SLC28A3: variants seen among roughly 807,000 people sequenced by gnomAD.
SLC28A3 encodes the protein concentrative Na(+)-nucleoside cotransporter 3.
In SLC28A3, 68 loss-of-function variants were observed where a neutral mutation model predicts 84.2. The ratio of observed to expected loss-of-function variants is 0.81; its 90% CI spans 0.66 to 0.99. SLC28A3 has a LOEUF of 0.99. Ranked by LOEUF, SLC28A3 falls within the 50% of genes least tolerant of loss-of-function variation. SLC28A3 has a pLI of 0.00. For missense variants in SLC28A3, 712 were observed against 841.5 expected, an observed-to-expected ratio of 0.85 and a Z score of 1.90; for synonymous variants, 267 against 303.6, an observed-to-expected ratio of 0.88 and a Z score of 1.25.
At chr9:84,280,103 T>C (rs755861783) in intron 15 of SLC28A3, 30 bp from the exon 16 acceptor site, 2 of 1,604,614 alleles carry the variant, frequency 1.2e-6, no homozygotes, top group South Asian at 2.2e-5. Flanking sequence ...GGATGTGAGA[T>C]CAATGTTGAA....
At chr9:84,333,491 T>C (rs998635367) in intron 1 of SLC28A3, among the ~76,000 whole-genome samples, 6 of 152,118 alleles carry the variant, frequency 3.9e-5, no homozygotes, top group African/African-American at 1.2e-4. Flanking sequence ...TCTAAGGAAC[T>C]CTTTCAAATA....
chr9:84,324,207 CTTGA>C (rs1344311907), intron 1 of SLC28A3, among the ~76,000 whole-genome samples: 1 of 152,156 alleles, frequency 6.6e-6, no homozygotes, highest in Non-Finnish European at 1.5e-5. Flanking sequence ...GGGTCAGATC[CTTGA>C]TTAAGCAATT....
Position 84,339,118 on chromosome 9 carries a change from A to G in SLC28A3, c.60+1456T>C, listed in dbSNP as rs530216953. The stretch of plus-strand genomic sequence containing the variant: ...CCCCCACTTTATTGTCCCTAAAAGC[A>G]TAACCCTCTTTTCCTTTGTCTAGTC... On this transcript the variant is annotated intron_variant, in intron 1 of 17. Coordinates refer to ENST00000376238, the MANE Select transcript of SLC28A3 (RefSeq NM_001199633.2). 3.9e-5 allele frequency among the ~76,000 whole-genome samples: 6 copies of G among 152,266 alleles called. No individual in the cohort carries two copies. In the South Asian group the frequency reaches 1.0e-3, roughly 26 times the overall value.
intron 1 of SLC28A3, among the ~76,000 whole-genome samples, chr9:84,336,081 CA>C (rs754490291): frequency 4.7e-4 from 23 of 49,222 alleles, no homozygotes; most frequent in South Asian, 9.2e-4. Context: ...AAAAAAAAAT[CA>C]GCCTGGTGCA....
intron 15 of SLC28A3, among the ~76,000 whole-genome samples, 170 bp from the exon 16 acceptor site, chr9:84,280,243 A>G (rs1824693452): frequency 6.6e-6 from 1 of 151,934 alleles, no homozygotes; most frequent in Non-Finnish European, 1.5e-5. Context: ...AACTCCACAT[A>G]CAGAGAAATT....
intron 8 of SLC28A3, among the ~76,000 whole-genome samples, chr9:84,295,873 C>G (rs1825396120): frequency 6.6e-6 from 1 of 152,116 alleles, no homozygotes. Context: ...GAAAAAAATC[C>G]ATTAATAATA....
the SLC28A3 span, among the ~76,000 whole-genome samples, chr9:84,354,715 C>T: frequency 7.2e-5 from 11 of 151,872 alleles, no homozygotes; most frequent in Admixed American, 1.3e-4. Flanking sequence ...GGTATGGTGG[C>T]GTGTGCCTGT....
chr9:84,292,209 C>CT (rs902298302), intron 10 of SLC28A3, among the ~76,000 whole-genome samples: 4 of 152,160 alleles, frequency 2.6e-5, no homozygotes, highest in African/African-American at 9.7e-5. Context: ...GAATGGGAGG[C>CT]TGTTTGTAGC....
intron 1 of SLC28A3, among the ~76,000 whole-genome samples, chr9:84,317,002 A>AAACAAC (rs56145118): frequency 0.17 from 25,924 of 150,140 alleles, 2,601 homozygotes; most frequent in African/African-American, 0.26. Context: ...CTCCGTCTCA[A>AAACAAC]AACAACAACA....
intron 10 of SLC28A3, among the ~76,000 whole-genome samples, chr9:84,290,641 G>A (rs983527036): frequency 6.6e-6 from 1 of 152,088 alleles, no homozygotes; most frequent in Non-Finnish European, 1.5e-5. Flanking sequence ...AGACATAGAA[G>A]GCCTCCACCC....
At chr9:84,298,189 T>C (rs1488047397) in intron 6 of SLC28A3, among the ~76,000 whole-genome samples, 170 bp from the exon 7 acceptor site, 1 of 152,112 alleles carries the variant, frequency 6.6e-6, no homozygotes, top group Non-Finnish European at 1.5e-5. Flanking sequence ...GATAGAACCA[T>C]AACTTAAAAA....
intron 5 of SLC28A3, among the ~76,000 whole-genome samples, chr9:84,300,443 A>T (rs138479756): frequency 5.9e-5 from 9 of 152,328 alleles, no homozygotes; most frequent in African/African-American, 2.2e-4. Context: ...GGACCTCACC[A>T]GCGGCCGAGA....
chr9:84,364,068 A>G, the SLC28A3 span, among the ~76,000 whole-genome samples: 2 of 149,862 alleles, frequency 1.3e-5, no homozygotes, highest in Non-Finnish European at 3.0e-5. Context: ...AAAATAGGCT[A>G]TTCATCCCCT....
chr9:84,291,018 C>T (rs970472305), intron 10 of SLC28A3, among the ~76,000 whole-genome samples: 1 of 152,140 alleles, frequency 6.6e-6, no homozygotes, highest in African/African-American at 2.4e-5. Flanking sequence ...ATGGGGCTCT[C>T]CATAGATAAT....
chr9:84,289,270 G>A (rs4585823), intron 11 of SLC28A3, among the ~76,000 whole-genome samples: 22,950 of 152,086 alleles, frequency 0.15, 1,923 homozygotes, highest in South Asian at 0.22. Flanking sequence ...TTGGCACTCC[G>A]AGGCCTGGAT....
intron 3 of SLC28A3, among the ~76,000 whole-genome samples, chr9:84,309,171 T>A (rs1825896316): frequency 6.6e-6 from 1 of 151,880 alleles, no homozygotes; most frequent in African/African-American, 2.4e-5. Context: ...GGGTGTTGGG[T>A]AGGGAGGGTA....
chr9:84,357,100 G>A, the SLC28A3 span, among the ~76,000 whole-genome samples: 14 of 152,200 alleles, frequency 9.2e-5, no homozygotes, highest in East Asian at 1.7e-3. Context: ...CATGAAGGCC[G>A]GGAACTTTGT....
chr9:84,276,983 C>T lies in SLC28A3; in HGVS notation c.*1235G>A, dbSNP rs1420859187. ...GTGATGGGCATTTCGTTAAAGAGCA[C>T]ACCACCATTGTCTCTGGAATCTTTT... On this transcript the variant is annotated 3_prime_UTR_variant, in exon 18 of 18. Transcript: ENST00000376238. 6.6e-6 allele frequency: 1 copy of T among 152,250 alleles called. No individual in the cohort carries two copies. The allele number at this position is 152,250 out of a possible 1,614,324, so 9.4% of individuals were successfully genotyped here. A position where few individuals can be genotyped will look rare whatever the true frequency, so the allele number is the denominator to read the frequency against.
intron 15 of SLC28A3, among the ~76,000 whole-genome samples, 167 bp downstream of exon 15, chr9:84,280,634 C>T (rs1295629311): frequency 6.6e-6 from 1 of 152,008 alleles, no homozygotes; most frequent in Non-Finnish European, 1.5e-5. Flanking sequence ...TTTGGGTGTG[C>T]AAGGGAAAAC....
Sources: allele counts gnomAD v4.1 joint callset (sites outside exome capture counted in the v4.1 genomes callset), GRCh38; gene constraint gnomAD v4.1.1; transcripts MANE v1.5; gene names NCBI Gene and HGNC (gene_info 2026-07-23, HGNC 2026-07-21).